The following TEAD1 variants were observed in gnomAD, a reference collection of about 807,000 sequenced individuals.
TEAD1 encodes the protein transcriptional enhancer factor TEF-1.
Under a neutral mutation model 54.9 loss-of-function variants are expected in TEAD1, and 9 were observed. The ratio of observed to expected loss-of-function variants is 0.16; its 90% CI spans 0.10 to 0.29. TEAD1 has a LOEUF of 0.29. TEAD1 is among the 10% of genes least tolerant of loss of function. The pLI, the probability that TEAD1 is intolerant of heterozygous loss-of-function variation, is 1.00. For missense variants in TEAD1, 387 were observed against 535.9 expected, an observed-to-expected ratio of 0.72 and a Z score of 2.74; for synonymous variants, 200 against 187.8, an observed-to-expected ratio of 1.07 and a Z score of -0.53.
chr11:12,820,087 T>G (rs1590182878), intron 3 of TEAD1, among the ~76,000 whole-genome samples: 1 of 151,654 alleles, frequency 6.6e-6, no homozygotes, highest in African/African-American at 2.4e-5. Flanking sequence ...GTCATGGGGG[T>G]CCACTGTGTG....
intron 5 of TEAD1, among the ~76,000 whole-genome samples, chr11:12,869,371 G>A (rs1293160660): frequency 2.0e-5 from 3 of 152,146 alleles, no homozygotes; most frequent in Non-Finnish European, 2.9e-5. Context: ...ATCCTTGGCT[G>A]GCTCCCTGCT....
rs1324678097 is a variant in TEAD1, at chr11:12,883,768, C to CT, written c.699+646dup. Among the ~76,000 whole-genome samples the CT allele has an allele frequency of 3.9e-5, 6 of 152,104 alleles. No individual in the cohort carries two copies. The East Asian group carries it at 1.2e-3, about 29-fold the overall frequency. On this transcript the variant is annotated intron_variant, in intron 9 of 12. Coordinates refer to ENST00000527636, the MANE Select transcript of TEAD1 (RefSeq NM_021961.6). The stretch of plus-strand genomic sequence containing the variant: ...GTGGCTCACGCCTGTAATCCCAGCA[C>CT]TTTGGGAGGCCGAGGCAGGTGGATC...
rs1672824038 is a variant in TEAD1, at chr11:12,840,156, A to C, written c.203-22094A>C. Reference sequence around the variant, plus strand: ...CAGCTACTTGGGAGGCTGAGGCAGAAGAATGGCGTGAACCCGGGAGGCGGA... The same window carrying C: ...CAGCTACTTGGGAGGCTGAGGCAGACGAATGGCGTGAACCCGGGAGGCGGA... On this transcript the variant is annotated intron_variant, in intron 3 of 12. Coordinates refer to ENST00000527636, the MANE Select transcript of TEAD1 (RefSeq NM_021961.6). 2.7e-5 allele frequency among the ~76,000 whole-genome samples: 4 copies of C among 150,650 alleles called. No homozygotes were observed. In the South Asian group the frequency reaches 8.6e-4, roughly 32 times the overall value.
In TEAD1 at chr11:12,791,286, T is replaced by C. The variant is rs200336830; in HGVS notation, c.202+26852T>C. Among the ~76,000 whole-genome samples, 9 of 152,346 alleles carry C rather than the reference T, an allele frequency of 5.9e-5. No homozygotes were observed. The East Asian group carries it at 1.7e-3, about 29-fold the overall frequency. ...ATTCAGGAGTCTTTTGCAGGGCTTCTGTAGAAACCTTTATCAAGTAAAAGT... is the reference window on the plus strand; with the variant it reads ...ATTCAGGAGTCTTTTGCAGGGCTTCCGTAGAAACCTTTATCAAGTAAAAGT... On this transcript the variant is annotated intron_variant, in intron 3 of 12. Transcript: ENST00000527636.
intron 3 of TEAD1, among the ~76,000 whole-genome samples, chr11:12,842,762 A>G (rs1947066658): frequency 6.6e-6 from 1 of 152,124 alleles, no homozygotes; most frequent in African/African-American, 2.4e-5. Context: ...AATTACATGG[A>G]TTTCAAATGA....
chr11:12,718,899 G>A (rs995726678), intron 2 of TEAD1, among the ~76,000 whole-genome samples: 2 of 151,580 alleles, frequency 1.3e-5, no homozygotes, highest in Non-Finnish European at 2.9e-5. Context: ...GGGTTGAGTG[G>A]TATAAATTTT....
chr11:12,882,021 A>G (rs776913345), intron 8 of TEAD1, 64 bp downstream of exon 8: 6 of 1,555,298 alleles, frequency 3.9e-6, no homozygotes, highest in South Asian at 2.2e-5. Context: ...TGGGTCTGGC[A>G]CTTTGTTCCC....
chr11:12,879,631 C>A, intron 5 of TEAD1, 77 bp from the exon 6 acceptor site: 1 of 1,586,362 alleles, frequency 6.3e-7, no homozygotes, highest in Non-Finnish European at 8.6e-7. Context: ...AGTCCATGTG[C>A]TCGTGGCTGT....
chr11:12,737,661 A>G (rs1001412986), intron 2 of TEAD1, among the ~76,000 whole-genome samples: 2 of 152,216 alleles, frequency 1.3e-5, no homozygotes, highest in African/African-American at 4.8e-5. Context: ...TAGCTTATGC[A>G]TGCCTTTTAG....
At chr11:12,821,547 G>A (rs769919214) in intron 3 of TEAD1, among the ~76,000 whole-genome samples, 1 of 152,290 alleles carries the variant, frequency 6.6e-6, no homozygotes, top group Middle Eastern at 3.4e-3. Flanking sequence ...GAGTACAAAT[G>A]ATACCTTCAT....
intron 3 of TEAD1, among the ~76,000 whole-genome samples, chr11:12,836,657 A>C (rs2134025877): frequency 6.6e-6 from 1 of 152,252 alleles, no homozygotes; most frequent in East Asian, 1.9e-4. Context: ...ATTATAGTCA[A>C]CTTGCTGTAT....
intron 2 of TEAD1, among the ~76,000 whole-genome samples, chr11:12,734,857 G>A (rs1944495934): frequency 6.6e-6 from 1 of 152,160 alleles, no homozygotes; most frequent in African/African-American, 2.4e-5. Context: ...ATTTTGTTAA[G>A]CAACATGTGA....
chr11:12,675,498 C>CT lies in TEAD1; in HGVS notation c.-117dup, dbSNP rs1943064535. The CT allele has an allele frequency of 5.2e-5, 8 of 152,410 alleles. No individual in the cohort carries two copies. The South Asian group carries it at 1.7e-3, about 32-fold the overall frequency. The allele number at this position is 152,410 out of a possible 1,614,324, so 9.4% of individuals were successfully genotyped here. A position where few individuals can be genotyped will look rare whatever the true frequency, so the allele number is the denominator to read the frequency against. On this transcript the variant is annotated 5_prime_UTR_variant, in exon 2 of 13. Coordinates refer to ENST00000527636, the MANE Select transcript of TEAD1 (RefSeq NM_021961.6). Reference sequence around the variant, plus strand: ...GCAGAAACATTGTGTCCAAAAAAGACTGAGTCGCAGTTACCACCAAACCCA... The same window carrying CT: ...GCAGAAACATTGTGTCCAAAAAAGACTTGAGTCGCAGTTACCACCAAACCCA...
intron 3 of TEAD1, among the ~76,000 whole-genome samples, chr11:12,783,176 G>A (rs1002511162): frequency 1.4e-5 from 2 of 139,430 alleles, no homozygotes; most frequent in African/African-American, 5.7e-5. Context: ...AAAGGCCAGA[G>A]TTTTAGTTTT....
At chr11:12,711,168 G>A (rs1439066352) in intron 2 of TEAD1, among the ~76,000 whole-genome samples, 1 of 152,118 alleles carries the variant, frequency 6.6e-6, no homozygotes, top group Non-Finnish European at 1.5e-5. Context: ...AGAGAAAGAC[G>A]AGAGTCAGGG....
chr11:12,858,419 C>A (rs1947435768), intron 3 of TEAD1, among the ~76,000 whole-genome samples: 1 of 152,034 alleles, frequency 6.6e-6, no homozygotes, highest in Admixed American at 6.6e-5. Context: ...AACAGATCAG[C>A]CTGTATTTCC....
rs546219430 is a variant in TEAD1 at position 12,783,125 on chromosome 11, T to TGC, written c.202+18692_202+18693insCG. ...GTGTGTGTGTGTGTGTGTGTGTGTGTGTGTGTGTGCGCGCACTTTCTTTTT... is the reference window on the plus strand; with the variant it reads ...GTGTGTGTGTGTGTGTGTGTGTGTGTGCGTGTGTGTGCGCGCACTTTCTTTTT... On this transcript the variant is annotated intron_variant, in intron 3 of 12. Coordinates refer to ENST00000527636, the MANE Select transcript of TEAD1 (RefSeq NM_021961.6). Among the ~76,000 whole-genome samples, 17 of 150,458 alleles carry TGC rather than the reference T, an allele frequency of 1.1e-4. No individual in the cohort carries two copies. The South Asian group carries it at 3.6e-3, about 32-fold the overall frequency.
At chr11:12,749,015 TC>T (rs1455752667) in intron 2 of TEAD1, among the ~76,000 whole-genome samples, 1 of 152,144 alleles carries the variant, frequency 6.6e-6, no homozygotes, top group Admixed American at 6.5e-5. Context: ...GGTGGGATTC[TC>T]CCAGGACCTG....
At chr11:12,799,683 T>C (rs543141879) in intron 3 of TEAD1, among the ~76,000 whole-genome samples, 198 of 152,250 alleles carry the variant, frequency 1.3e-3, no homozygotes, top group Non-Finnish European at 2.4e-3. Context: ...ACTGAACATA[T>C]CCTTAATGTG....
Sources: allele counts gnomAD v4.1 joint callset (sites outside exome capture counted in the v4.1 genomes callset), GRCh38; gene constraint gnomAD v4.1.1; transcripts MANE v1.5; gene names NCBI Gene and HGNC (gene_info 2026-07-23, HGNC 2026-07-21).